DPP6: variants seen among roughly 807,000 people sequenced by gnomAD.
DPP6 encodes the protein A-type potassium channel modulatory protein DPP6.
A neutral mutation model predicts 122.6 loss-of-function variants in DPP6; 69 were observed. The observed-to-expected ratio is 0.56, with a 90% confidence interval of 0.46 to 0.69. DPP6 has a LOEUF of 0.69. Ranked by LOEUF, DPP6 falls within the 30% of genes least tolerant of loss-of-function variation. DPP6 has a pLI of 0.00. For synonymous variants in DPP6, 418 were observed against 433.1 expected (o/e 0.97, Z 0.43); for missense variants, 928 against 1,116.9 (o/e 0.83, Z 2.41).
chr7:154,475,471 G>A (rs144279095), intron 3 of DPP6: 1 of 229,410 alleles, frequency 4.4e-6, no homozygotes, highest in East Asian at 1.2e-4. Flanking sequence ...AGCAACTCAT[G>A]GAGTTCTTGT....
chr7:154,107,927 C>T (rs1484769301), intron 1 of DPP6, among the ~76,000 whole-genome samples: 2 of 152,188 alleles, frequency 1.3e-5, no homozygotes, highest in Non-Finnish European at 2.9e-5. Flanking sequence ...CCACCTGGAG[C>T]TCAGAGTGGT....
chr7:154,129,303 C>T lies in DPP6; in HGVS notation c.243+76240C>T, dbSNP rs565494552. On this transcript the variant is annotated intron_variant, in intron 1 of 25. Coordinates refer to ENST00000377770, the MANE Select transcript of DPP6 (RefSeq NM_130797.4). The stretch of plus-strand genomic sequence containing the variant: ...GCTAGCCTGAGTCAGTTTTGTGCCT[C>T]GGTGTGAAAGCTATTTCTAGTACCA... 6.5e-4 allele frequency among the ~76,000 whole-genome samples: 99 copies of T among 152,128 alleles called. 1 individual carries two copies. The highest frequency in any genetic ancestry group is 5.3e-3 in the Admixed American group (81 of 15,284).
intron 1 of DPP6, among the ~76,000 whole-genome samples, chr7:153,963,081 T>G (rs1356731986): frequency 3.9e-5 from 6 of 152,192 alleles, no homozygotes; most frequent in South Asian, 2.1e-4. Context: ...ACCCCTGAGC[T>G]AAGACAACCT....
chr7:154,009,970 A>G (rs894578377), intron 1 of DPP6, among the ~76,000 whole-genome samples: 1 of 152,264 alleles, frequency 6.6e-6, no homozygotes, highest in African/African-American at 2.4e-5. Flanking sequence ...ATTTGCCTAA[A>G]GTCGCATAGG....
intron 1 of DPP6, among the ~76,000 whole-genome samples, chr7:154,270,734 C>T (rs10274585): frequency 6.6e-6 from 1 of 151,904 alleles, no homozygotes; most frequent in Admixed American, 6.6e-5. Context: ...TCCTGCAGAA[C>T]AGGGGATGAC....
At chr7:153,754,039 A>T in the DPP6 span, among the ~76,000 whole-genome samples, 1 of 152,190 alleles carries the variant, frequency 6.6e-6, no homozygotes, top group East Asian at 1.9e-4. Flanking sequence ...CTCTACCCAC[A>T]GGAGTTTGCT....
chr7:153,780,367 T>TA, the DPP6 span, among the ~76,000 whole-genome samples: 4 of 151,948 alleles, frequency 2.6e-5, 1 homozygote, highest in African/African-American at 9.7e-5. Flanking sequence ...ACCTTTTTTT[T>TA]AAAAACAAAT....
chr7:154,093,411 T>A (rs1460427954), intron 1 of DPP6, among the ~76,000 whole-genome samples: 1 of 140,212 alleles, frequency 7.1e-6, no homozygotes, highest in African/African-American at 2.7e-5. Context: ...TACCACATCC[T>A]ACACACCACA....
chr7:153,935,205 T>A (rs1440973495), intron 1 of DPP6, among the ~76,000 whole-genome samples: 1 of 150,814 alleles, frequency 6.6e-6, no homozygotes, highest in Non-Finnish European at 1.5e-5. Flanking sequence ...GAGCTGCAGG[T>A]CAGCAGACAG....
chr7:154,319,401 A>G (rs1278737430), intron 1 of DPP6, among the ~76,000 whole-genome samples: 1 of 152,208 alleles, frequency 6.6e-6, no homozygotes, highest in Non-Finnish European at 1.5e-5. Context: ...TGCTAACAAA[A>G]TGCAACATGA....
chr7:153,952,473 T>G (rs1025478073), intron 1 of DPP6, among the ~76,000 whole-genome samples: 1 of 152,204 alleles, frequency 6.6e-6, no homozygotes, highest in Non-Finnish European at 1.5e-5. Context: ...ATATGCAAAT[T>G]AAAGAAAGTG....
At chr7:154,136,541 A>G (rs1262149906) in intron 1 of DPP6, among the ~76,000 whole-genome samples, 8 of 152,048 alleles carry the variant, frequency 5.3e-5, no homozygotes, top group African/African-American at 9.7e-5. Context: ...TCTGTTGTCA[A>G]TACATTTTCA....
intron 1 of DPP6, among the ~76,000 whole-genome samples, chr7:154,327,416 T>C (rs1465880325): frequency 6.6e-6 from 1 of 152,088 alleles, no homozygotes; most frequent in African/African-American, 2.4e-5. Flanking sequence ...AACATATATA[T>C]TGATGAAGAA....
chr7:153,788,998 C>T, the DPP6 span, among the ~76,000 whole-genome samples: 1 of 151,712 alleles, frequency 6.6e-6, no homozygotes, highest in Non-Finnish European at 1.5e-5. Flanking sequence ...CTGTTTGTTA[C>T]CTGAAAATCT....
the DPP6 span, among the ~76,000 whole-genome samples, chr7:153,762,989 C>G: frequency 6.6e-6 from 1 of 152,036 alleles, no homozygotes; most frequent in Non-Finnish European, 1.5e-5. Flanking sequence ...ATTTGAAGGA[C>G]GCTGTATAAG....
intron 1 of DPP6, among the ~76,000 whole-genome samples, chr7:154,101,195 A>G (rs1361177387): frequency 7.2e-6 from 1 of 138,248 alleles, no homozygotes; most frequent in Non-Finnish European, 1.6e-5. Flanking sequence ...TGTGCACTCC[A>G]GTCTCATCCT....
chr7:154,443,346 G>GAA (rs201269949), intron 1 of DPP6, among the ~76,000 whole-genome samples: 1 of 142,646 alleles, frequency 7.0e-6, no homozygotes, highest in African/African-American at 2.8e-5. Context: ...TAGATTACAA[G>GAA]AAAAAAAATG....
chr7:154,119,415 CAG>C (rs996996633), intron 1 of DPP6, among the ~76,000 whole-genome samples: 12 of 151,918 alleles, frequency 7.9e-5, no homozygotes, highest in South Asian at 2.1e-4. Flanking sequence ...GAGAGGAAGA[CAG>C]GGGTTTAAAA....
chr7:154,561,540 A>G (rs960580737), intron 4 of DPP6, among the ~76,000 whole-genome samples: 2 of 152,274 alleles, frequency 1.3e-5, no homozygotes, highest in African/African-American at 2.4e-5. Flanking sequence ...GTGAATGAAA[A>G]TAAAAGCAAT....
Sources: gnomAD v4.1 joint callset for allele counts (sites outside exome capture counted in the v4.1 genomes callset) on GRCh38, gnomAD v4.1.1 for gene constraint, MANE v1.5 for transcripts, NCBI Gene and HGNC (gene_info 2026-07-23, HGNC 2026-07-21) for gene names.